GHR: variants seen among roughly 807,000 people sequenced by gnomAD.
GHR encodes the protein GH receptor.
GHR carries 35 observed loss-of-function variants against 67.1 expected under a neutral mutation model. That is an observed-to-expected ratio of 0.52 (90% CI 0.40 to 0.69). The LOEUF (loss-of-function observed/expected upper bound fraction) is 0.69. Among genes scored for constraint, GHR ranks in the 30% least tolerant of loss-of-function variants. The pLI is 0.00. For synonymous variants in GHR, 272 were observed against 269.1 expected, an observed-to-expected ratio of 1.01 and a Z score of -0.10; for missense variants, 792 against 764.6, an observed-to-expected ratio of 1.04 and a Z score of -0.42.
intron 1 of GHR, among the ~76,000 whole-genome samples, chr5:42,463,992 C>CAAAA (rs70991406): frequency 5.8e-3 from 264 of 45,520 alleles, no homozygotes; most frequent in Non-Finnish European, 7.4e-3. Flanking sequence ...GACTCCGTCT[C>CAAAA]AAAAAAAAAA....
At chr5:42,572,434 C>A (rs756925790) in intron 2 of GHR, among the ~76,000 whole-genome samples, 1 of 152,180 alleles carries the variant, frequency 6.6e-6, no homozygotes, top group Admixed American at 6.5e-5. Context: ...AAACCCAAAG[C>A]AAACTTCCTC....
At chr5:42,594,669 C>G (rs190031297) in intron 2 of GHR, among the ~76,000 whole-genome samples, 284 of 152,268 alleles carry the variant, frequency 1.9e-3, no homozygotes, top group South Asian at 8.3e-3. Context: ...CTTTTCTATA[C>G]TTGGTAACCT....
chr5:42,717,408 T>A (rs1758772536), intron 8 of GHR, among the ~76,000 whole-genome samples: 1 of 152,194 alleles, frequency 6.6e-6, no homozygotes, highest in South Asian at 2.1e-4. Context: ...AATTTAAAGA[T>A]TTGGAACAAA....
At chr5:42,568,055 G>A (rs755162415) in intron 2 of GHR, among the ~76,000 whole-genome samples, 1 of 152,158 alleles carries the variant, frequency 6.6e-6, no homozygotes, top group Non-Finnish European at 1.5e-5. Flanking sequence ...TTTGTTCAGT[G>A]AAAGATGTGG....
rs1434945833 is a variant in GHR at position 42,720,914 on chromosome 5, A to G, written c.*1490A>G. The stretch of plus-strand genomic sequence containing the variant: ...GCAATCCCTTAATATCCTAAACATC[A>G]TTCATTTTTGTTGTTGTTGTTGTTG... On this transcript the variant is annotated 3_prime_UTR_variant, in exon 10 of 10. Coordinates refer to ENST00000230882, the MANE Select transcript of GHR (RefSeq NM_000163.5). 1.1e-5 allele frequency: 1 copy of G among 92,602 alleles called. No homozygotes were observed. Among genetic ancestry groups the G allele is most frequent in the Non-Finnish European group, 2.4e-5 (1 of 41,656 alleles). The allele number at this position is 92,602 out of a possible 1,614,324, so 5.7% of individuals were successfully genotyped here.
chr5:42,671,958 A>G (rs1756336357), intron 3 of GHR, among the ~76,000 whole-genome samples: 1 of 150,046 alleles, frequency 6.7e-6, no homozygotes, highest in Non-Finnish European at 1.5e-5. Flanking sequence ...TCCGTCTCAA[A>G]AAAAAAAAAA....
At chr5:42,492,602 A>G (rs996183653) in intron 1 of GHR, among the ~76,000 whole-genome samples, 2 of 152,228 alleles carry the variant, frequency 1.3e-5, no homozygotes. Flanking sequence ...AGTAATTTTT[A>G]AAAGTAATTA....
chr5:42,440,418 A>G (rs1743514471), intron 1 of GHR, among the ~76,000 whole-genome samples: 1 of 152,332 alleles, frequency 6.6e-6, no homozygotes, highest in Non-Finnish European at 1.5e-5. Context: ...CCAGGAAGAT[A>G]CTTAGTACTT....
At chr5:42,488,023 C>T (rs1294359210) in intron 1 of GHR, among the ~76,000 whole-genome samples, 1 of 152,184 alleles carries the variant, frequency 6.6e-6, no homozygotes, top group East Asian at 1.9e-4. Flanking sequence ...GCTCTTGCCT[C>T]CCACTGCCCA....
At chr5:42,581,529 A>G (rs1489090363) in intron 2 of GHR, among the ~76,000 whole-genome samples, 2 of 152,246 alleles carry the variant, frequency 1.3e-5, no homozygotes, top group African/African-American at 4.8e-5. Flanking sequence ...GTCTTCTGAA[A>G]GTTGGAAGGG....
At chr5:42,624,330 T>G (rs1196289312) in intron 2 of GHR, among the ~76,000 whole-genome samples, 1 of 152,194 alleles carries the variant, frequency 6.6e-6, no homozygotes, top group African/African-American at 2.4e-5. Context: ...CACATTCCAT[T>G]TCTGCCATCG....
chr5:42,552,966 A>G (rs974111063), intron 1 of GHR, among the ~76,000 whole-genome samples: 2 of 152,208 alleles, frequency 1.3e-5, no homozygotes, highest in African/African-American at 4.8e-5. Flanking sequence ...AGTTTTCTCT[A>G]AAGTCCCTTA....
intron 1 of GHR, among the ~76,000 whole-genome samples, chr5:42,488,834 A>C (rs1046477362): frequency 3.9e-5 from 6 of 152,326 alleles, no homozygotes; most frequent in Admixed American, 6.5e-5. Flanking sequence ...CATCTACCAA[A>C]CATGTGCATG....
chr5:42,507,030 C>A (rs1746806774), intron 1 of GHR, among the ~76,000 whole-genome samples: 2 of 152,190 alleles, frequency 1.3e-5, no homozygotes, highest in Non-Finnish European at 2.9e-5. Context: ...TCAGTTGTTA[C>A]TGTTGGAAAC....
intron 3 of GHR, among the ~76,000 whole-genome samples, chr5:42,656,433 C>T (rs1163036870): frequency 6.6e-6 from 1 of 152,130 alleles, no homozygotes; most frequent in Non-Finnish European, 1.5e-5. Flanking sequence ...TCACAGCCAG[C>T]TCTTGTTAAT....
intron 1 of GHR, among the ~76,000 whole-genome samples, chr5:42,428,386 C>T (rs368108881): frequency 2.6e-5 from 4 of 152,168 alleles, no homozygotes; most frequent in African/African-American, 9.7e-5. Context: ...ATTTTTCCCT[C>T]GTAGGCCTCT....
rs147322499 is a variant in GHR, at chr5:42,701,707, G to A, written c.618+1705G>A. ...TTTTCGAAAATTTGTGTCTCCAACC[G>A]TGAGCTTGATAGTGTTTTAATATTT... On this transcript the variant is annotated intron_variant, in intron 6 of 9. Transcript: ENST00000230882. Among the ~76,000 whole-genome samples the A allele has an allele frequency of 1.3e-3, 194 of 152,232 alleles. 1 individual carries two copies. The highest frequency in any genetic ancestry group is 4.4e-3 in the African/African-American group (181 of 41,550).
At chr5:42,562,144 A>C (rs888721289) in intron 1 of GHR, among the ~76,000 whole-genome samples, 1 of 152,184 alleles carries the variant, frequency 6.6e-6, no homozygotes, top group African/African-American at 2.4e-5. Flanking sequence ...TCTCAGCTAG[A>C]ATCTAATAGA....
At chr5:42,712,165 C>T (rs549239287) in intron 7 of GHR, among the ~76,000 whole-genome samples, 1 of 152,078 alleles carries the variant, frequency 6.6e-6, no homozygotes, top group South Asian at 2.1e-4. Flanking sequence ...CAACCACAAG[C>T]TACATAGAAA....
Sources: gnomAD v4.1 joint callset for allele counts (sites outside exome capture counted in the v4.1 genomes callset) on GRCh38, gnomAD v4.1.1 for gene constraint, MANE v1.5 for transcripts, NCBI Gene and HGNC (gene_info 2026-07-23, HGNC 2026-07-21) for gene names.